Variants in ADAM12 observed in about 807,000 individuals in gnomAD.
The protein encoded by ADAM12 is disintegrin and metalloproteinase domain-containing protein 12.
A neutral mutation model predicts 106.4 loss-of-function variants in ADAM12; 70 were observed. That is an observed-to-expected ratio of 0.66 (90% CI 0.54 to 0.80). The LOEUF (loss-of-function observed/expected upper bound fraction) is 0.80. Ranked by LOEUF, ADAM12 falls within the 30% of genes least tolerant of loss-of-function variation. The pLI, the probability that ADAM12 is intolerant of heterozygous loss-of-function variation, is 0.00. For synonymous variants in ADAM12, 420 were observed against 433.5 expected (o/e 0.97, Z 0.39); for missense variants, 1,010 against 1,171.9 (o/e 0.86, Z 2.02).
intron 1 of ADAM12, among the ~76,000 whole-genome samples, chr10:126,387,297 TACA>T (rs1286279440): frequency 2.0e-5 from 3 of 152,138 alleles, no homozygotes; most frequent in Non-Finnish European, 4.4e-5. Context: ...TTTAAGGGGC[TACA>T]ACTCGGGAAA....
chr10:126,359,669 C>T (rs1490804255), intron 1 of ADAM12, among the ~76,000 whole-genome samples: 1 of 152,172 alleles, frequency 6.6e-6, no homozygotes, highest in Non-Finnish European at 1.5e-5. Flanking sequence ...GGTACAGCCT[C>T]CCTCCTGGCT....
At chr10:126,021,040 G>A (rs1164289462) in intron 21 of ADAM12, among the ~76,000 whole-genome samples, 5 of 145,976 alleles carry the variant, frequency 3.4e-5, no homozygotes, top group Admixed American at 3.4e-4. Flanking sequence ...CCTTTTTTTC[G>A]TGGGGCCCCT....
At chr10:126,203,420 A>G (rs957358437) in intron 3 of ADAM12, among the ~76,000 whole-genome samples, 2 of 152,212 alleles carry the variant, frequency 1.3e-5, no homozygotes, top group African/African-American at 4.8e-5. Context: ...ATAAAAAGCA[A>G]GTATAGTGAA....
chr10:126,246,948 G>A (rs918407189), intron 3 of ADAM12, among the ~76,000 whole-genome samples: 4 of 152,136 alleles, frequency 2.6e-5, no homozygotes, highest in Admixed American at 6.5e-5. Context: ...AACTATTCCC[G>A]TTAGCAGACA....
At chr10:126,091,139 G>C (rs1023339784) in intron 11 of ADAM12, 15 of 91,182 alleles carry the variant, frequency 1.6e-4, no homozygotes, top group African/African-American at 4.2e-4. Context: ...ATGATGAGTA[G>C]GAATTCTGAA....
At chr10:126,270,018 G>A (rs1383605852) in intron 3 of ADAM12, among the ~76,000 whole-genome samples, 1 of 152,182 alleles carries the variant, frequency 6.6e-6, no homozygotes, top group Non-Finnish European at 1.5e-5. Flanking sequence ...AGGGAATTTA[G>A]CTCTTACTCA....
chr10:126,131,026 G>A (rs1003313898), intron 5 of ADAM12, among the ~76,000 whole-genome samples: 1 of 148,600 alleles, frequency 6.7e-6, no homozygotes, highest in Non-Finnish European at 1.5e-5. Flanking sequence ...TCTCAGTTTT[G>A]ATAATTGGGA....
chr10:126,150,357 C>T (rs1956707584), intron 4 of ADAM12, among the ~76,000 whole-genome samples: 1 of 152,200 alleles, frequency 6.6e-6, no homozygotes, highest in East Asian at 1.9e-4. Context: ...TACTTTAGGA[C>T]TCCATCTTTC....
At chr10:126,083,996 C>T (rs1172363835) in intron 11 of ADAM12, among the ~76,000 whole-genome samples, 1 of 152,186 alleles carries the variant, frequency 6.6e-6, no homozygotes, top group Admixed American at 6.5e-5. Context: ...ACCACCAGGC[C>T]AGGAGCAAAT....
rs186725632 is a variant in ADAM12, at chr10:126,263,774, A to T, written c.260+15141T>A. ...ATCAGTGATTTCAGTTCCTACATGT[A>T]AAATTACTTTGGAAAAAGCAGCTGT... On this transcript the variant is annotated intron_variant, in intron 3 of 22. Coordinates refer to ENST00000448723, the MANE Select transcript of ADAM12 (RefSeq NM_001288973.2). 2.7e-4 allele frequency among the ~76,000 whole-genome samples: 41 copies of T among 152,344 alleles called. No individual in the cohort carries two copies. The East Asian group carries it at 7.7e-3, about 29-fold the overall frequency.
chr10:126,238,337 G>A (rs773312812), intron 3 of ADAM12, among the ~76,000 whole-genome samples: 6 of 152,098 alleles, frequency 3.9e-5, no homozygotes, highest in South Asian at 4.1e-4. Flanking sequence ...AAAATTAGCC[G>A]GGCGTGGTGA....
chr10:126,180,203 G>A (rs1307508169), intron 3 of ADAM12, among the ~76,000 whole-genome samples: 1 of 152,146 alleles, frequency 6.6e-6, no homozygotes, highest in African/African-American at 2.4e-5. Context: ...GAAGATGAAC[G>A]CAGATCAAGA....
chr10:126,135,863 C>G (rs377207601), intron 4 of ADAM12, among the ~76,000 whole-genome samples: 3 of 152,224 alleles, frequency 2.0e-5, no homozygotes, highest in Non-Finnish European at 4.4e-5. Context: ...AGATTACCAA[C>G]AGCGGTTTTT....
chr10:126,029,866 G>A (rs1054394724), intron 21 of ADAM12, among the ~76,000 whole-genome samples: 3 of 152,172 alleles, frequency 2.0e-5, no homozygotes, highest in African/African-American at 4.8e-5. Flanking sequence ...AAAAACCTCC[G>A]AACACACTGT....
At chr10:126,118,321 G>C (rs940955949) in intron 5 of ADAM12, 97 bp from the exon 6 acceptor site, 70 of 838,534 alleles carry the variant, frequency 8.3e-5, no homozygotes, top group Non-Finnish European at 1.2e-4. Context: ...AATGAAAACA[G>C]AAACACCAAT....
chr10:126,327,136 G>C (rs147698776), intron 2 of ADAM12, among the ~76,000 whole-genome samples: 1 of 152,248 alleles, frequency 6.6e-6, no homozygotes, highest in Non-Finnish European at 1.5e-5. Flanking sequence ...TCAGAGCCCC[G>C]GAGCCATGGC....
intron 3 of ADAM12, among the ~76,000 whole-genome samples, chr10:126,185,625 C>T (rs940949651): frequency 6.6e-6 from 1 of 151,670 alleles, no homozygotes; most frequent in African/African-American, 2.4e-5. Context: ...TGACAAGCAA[C>T]AGTGCATTTG....
chr10:126,327,619 A>T (rs1854351189), intron 2 of ADAM12, among the ~76,000 whole-genome samples: 2 of 150,848 alleles, frequency 1.3e-5, no homozygotes, highest in South Asian at 4.2e-4. Flanking sequence ...CATCTCTACC[A>T]AAATAAATAA....
At chr10:126,244,307 T>C (rs1958587627) in intron 3 of ADAM12, among the ~76,000 whole-genome samples, 1 of 152,190 alleles carries the variant, frequency 6.6e-6, no homozygotes, top group African/African-American at 2.4e-5. Flanking sequence ...GGGTTCATGC[T>C]TGGGTCCGTG....
Sources: gnomAD v4.1 joint callset for allele counts (sites outside exome capture counted in the v4.1 genomes callset) on GRCh38, gnomAD v4.1.1 for gene constraint, MANE v1.5 for transcripts, NCBI Gene and HGNC (gene_info 2026-07-23, HGNC 2026-07-21) for gene names.